GRIP2: variants seen among roughly 807,000 people sequenced by gnomAD.
The protein encoded by GRIP2 is glutamate receptor interacting protein 2.
A neutral mutation model predicts 108.3 loss-of-function variants in GRIP2; 58 were observed. The ratio of observed to expected loss-of-function variants is 0.54; its 90% CI spans 0.43 to 0.67. The LOEUF (loss-of-function observed/expected upper bound fraction) is 0.67. GRIP2 is among the 30% of genes least tolerant of loss of function. GRIP2 has a pLI of 0.00. For missense variants in GRIP2, 1,278 were observed against 1,430.6 expected, an observed-to-expected ratio of 0.89 and a Z score of 1.72; for synonymous variants, 586 against 598.2, an observed-to-expected ratio of 0.98 and a Z score of 0.30.
At chr3:14,533,172 T>TA in intron 1 of GRIP2, among the ~76,000 whole-genome samples, 1 of 152,376 alleles carries the variant, frequency 6.6e-6, no homozygotes, top group Non-Finnish European at 1.5e-5. Flanking sequence ...GGTTTCCTAA[T>TA]ACGCACTTCA....
upstream of GRIP2, chr3:14,542,153 A>AT (rs568064161): frequency 1.5e-3 from 1,531 of 990,920 alleles, 19 homozygotes; most frequent in South Asian, 0.014. Context: ...TTTATTTTTT[A>AT]TTTTTTTTAT....
upstream of GRIP2, among the ~76,000 whole-genome samples, chr3:14,557,970 CTAGA>C (rs1695262291): frequency 1.3e-5 from 2 of 152,184 alleles, no homozygotes; most frequent in Non-Finnish European, 2.9e-5. Context: ...ACAGTAGGTG[CTAGA>C]TAAATAATAT....
At chr3:14,572,851 G>T in the GRIP2 span, 2 of 1,120,764 alleles carry the variant, frequency 1.8e-6, no homozygotes, top group Non-Finnish European at 1.3e-6. Flanking sequence ...CAGCCAGCTC[G>T]GTGGAGCTGA....
intron 7 of GRIP2, chr3:14,520,819 G>A (rs997533958): frequency 4.8e-5 from 22 of 461,156 alleles, no homozygotes; most frequent in Non-Finnish European, 7.5e-5. Context: ...AGTTTATGAA[G>A]AGCCTGTGGT....
At chr3:14,600,707 C>T in the GRIP2 span, among the ~76,000 whole-genome samples, 1 of 152,162 alleles carries the variant, frequency 6.6e-6, no homozygotes, top group Non-Finnish European at 1.5e-5. Context: ...GAGACCCAGC[C>T]CACGGGGACT....
intron 1 of GRIP2, among the ~76,000 whole-genome samples, chr3:14,532,735 G>A (rs1694741263): frequency 6.6e-6 from 1 of 151,844 alleles, no homozygotes. Context: ...ACTGACTTAA[G>A]GGCTGGGCGC....
the GRIP2 span, among the ~76,000 whole-genome samples, chr3:14,600,285 C>G: frequency 6.6e-6 from 1 of 152,186 alleles, no homozygotes; most frequent in African/African-American, 2.4e-5. Flanking sequence ...ACAGAACTGG[C>G]ATTTCTTAAG....
chr3:14,553,576 T>C (rs766177615), intron 1 of GRIP2, among the ~76,000 whole-genome samples: 6 of 152,248 alleles, frequency 3.9e-5, no homozygotes, highest in Non-Finnish European at 7.4e-5. Flanking sequence ...TTGGAGGACA[T>C]GGGAGGGGTC....
chr3:14,503,695 G>GCCAGAAGCCC, intron 20 of GRIP2, 24 bp from the exon 21 acceptor site: 1 of 510,254 alleles, frequency 2.0e-6, no homozygotes, highest in Non-Finnish European at 3.6e-6. Context: ...ACCAGAGAGC[G>GCCAGAAGCCC]TCAACTCCTG....
At chr3:14,515,701 C>T (rs934653520) in intron 11 of GRIP2, among the ~76,000 whole-genome samples, 7 of 151,272 alleles carry the variant, frequency 4.6e-5, no homozygotes, top group Admixed American at 4.0e-4. Context: ...AGAAGCGCCA[C>T]CTCGGCTCAC....
chr3:14,497,839 C>T (rs780336515), intron 21 of GRIP2, among the ~76,000 whole-genome samples: 20 of 152,072 alleles, frequency 1.3e-4, no homozygotes, highest in Non-Finnish European at 2.5e-4. Flanking sequence ...AGAACGGGCT[C>T]AGGAAGTGAG....
chr3:14,594,526 G>T, the GRIP2 span, among the ~76,000 whole-genome samples: 1 of 152,234 alleles, frequency 6.6e-6, no homozygotes, highest in Admixed American at 6.5e-5. Context: ...CTGAGACTCA[G>T]TCTCTTGGGA....
chr3:14,559,088 C>G (rs1044796535), upstream of GRIP2, among the ~76,000 whole-genome samples: 2 of 152,218 alleles, frequency 1.3e-5, no homozygotes, highest in African/African-American at 4.8e-5. Context: ...CAAATCCCAG[C>G]TCCACCACCT....
the GRIP2 span, among the ~76,000 whole-genome samples, chr3:14,565,710 G>C: frequency 6.6e-6 from 1 of 152,196 alleles, no homozygotes; most frequent in Non-Finnish European, 1.5e-5. Flanking sequence ...CGGGAAAGTG[G>C]GTGTGACAGA....
the GRIP2 span, among the ~76,000 whole-genome samples, chr3:14,564,330 C>T: frequency 3.3e-5 from 5 of 152,236 alleles, no homozygotes; most frequent in Non-Finnish European, 7.3e-5. Flanking sequence ...AATGCCACTA[C>T]GGTCCTCGTG....
chr3:14,567,314 C>T, the GRIP2 span, among the ~76,000 whole-genome samples: 4 of 152,152 alleles, frequency 2.6e-5, no homozygotes, highest in African/African-American at 9.7e-5. Flanking sequence ...ATCTTGGCTA[C>T]AAGTCATTCT....
the GRIP2 span, among the ~76,000 whole-genome samples, chr3:14,563,806 G>T: frequency 1.3e-5 from 2 of 152,178 alleles, no homozygotes; most frequent in Non-Finnish European, 2.9e-5. Flanking sequence ...CACTTTTTAA[G>T]CTTCCCCAGT....
upstream of GRIP2, among the ~76,000 whole-genome samples, chr3:14,544,879 G>A (rs1047062167): frequency 2.0e-5 from 3 of 152,216 alleles, no homozygotes; most frequent in Non-Finnish European, 4.4e-5. Context: ...CTTAGGGGGC[G>A]CTGTTTGGTC....
intron 1 of GRIP2, among the ~76,000 whole-genome samples, chr3:14,538,109 CAGGAGCAGAGAAAGGGCAT>C (rs1465858982): frequency 1.3e-5 from 2 of 152,176 alleles, no homozygotes; most frequent in Non-Finnish European, 2.9e-5. Flanking sequence ...CAGAGTCCAT[CAGGAGCAGAGAAAGGGCAT>C]AGGGCTGCCT....
Sources: allele counts gnomAD v4.1 joint callset (sites outside exome capture counted in the v4.1 genomes callset), GRCh38; gene constraint gnomAD v4.1.1; transcripts MANE v1.5; gene names NCBI Gene and HGNC (gene_info 2026-07-23, HGNC 2026-07-21).